The following SLC25A26 variants were observed in gnomAD, a reference collection of about 807,000 sequenced individuals.
The protein encoded by SLC25A26 is solute carrier family 25 member 26, also known as mitochondrial S-adenosylmethionine carrier protein.
A neutral mutation model predicts 37.8 loss-of-function variants in SLC25A26; 36 were observed. The ratio of observed to expected loss-of-function variants is 0.95; its 90% CI spans 0.73 to 1.26. SLC25A26 has a LOEUF of 1.26. SLC25A26 is among the 50% of genes most tolerant of loss of function. The pLI is 0.00. For missense variants in SLC25A26, 390 were observed against 331.1 expected (o/e 1.18, Z -1.38); for synonymous variants, 129 against 122.5 (o/e 1.05, Z -0.35).
At chr3:66,270,291 C>G (rs991008401) in intron 5 of SLC25A26, among the ~76,000 whole-genome samples, 1 of 152,096 alleles carries the variant, frequency 6.6e-6, no homozygotes, top group Non-Finnish European at 1.5e-5. Context: ...CTTAGCACTT[C>G]TACTGAAAAG....
chr3:66,356,305 T>C (rs2107782064), intron 6 of SLC25A26, among the ~76,000 whole-genome samples: 1 of 152,288 alleles, frequency 6.6e-6, no homozygotes, highest in South Asian at 2.1e-4. Flanking sequence ...TGCTAATAGC[T>C]ATTATCTTGG....
At chr3:66,371,518 G>C in intron 9 of SLC25A26, 1 of 1,334,940 alleles carries the variant, frequency 7.5e-7, no homozygotes, top group Non-Finnish European at 9.7e-7. Flanking sequence ...TGGTTTTGTT[G>C]AATGTGACAA....
chr3:66,246,043 T>TTTGATATAAATGGAATCCTACAA, intron 3 of SLC25A26, among the ~76,000 whole-genome samples: 1 of 152,356 alleles, frequency 6.6e-6, no homozygotes, highest in Non-Finnish European at 1.5e-5. Context: ...ATTTTGGACA[T>TTTGATATAAATGGAATCCTACAA]TTGATATAAA....
At chr3:66,187,174 C>A (rs966136616) in intron 1 of SLC25A26, among the ~76,000 whole-genome samples, 3 of 151,856 alleles carry the variant, frequency 2.0e-5, no homozygotes, top group Non-Finnish European at 4.4e-5. Flanking sequence ...TTGACCTTGA[C>A]CCTGACCCTC....
intron 5 of SLC25A26, among the ~76,000 whole-genome samples, chr3:66,306,844 T>C (rs547651594): frequency 6.6e-6 from 1 of 152,360 alleles, no homozygotes; most frequent in East Asian, 1.9e-4. Context: ...ACTCATACTT[T>C]TTTATGGTTG....
chr3:66,315,804 G>C (rs2075522640), intron 5 of SLC25A26, among the ~76,000 whole-genome samples: 1 of 152,002 alleles, frequency 6.6e-6, no homozygotes, highest in Admixed American at 6.6e-5. Context: ...TCCTGTATTG[G>C]GTCCATATAT....
intron 1 of SLC25A26, among the ~76,000 whole-genome samples, chr3:66,148,006 C>T (rs547980052): frequency 1.3e-5 from 2 of 152,332 alleles, no homozygotes; most frequent in African/African-American, 2.4e-5. Context: ...ATCCGCCCAC[C>T]TCAGCCTCCC....
intron 9 of SLC25A26, among the ~76,000 whole-genome samples, chr3:66,374,492 A>C (rs1225676148): frequency 6.6e-6 from 1 of 152,170 alleles, no homozygotes; most frequent in Non-Finnish European, 1.5e-5. Flanking sequence ...TTAGGCCTCT[A>C]TTCTGTGAGA....
chr3:66,281,757 A>G (rs897037222), intron 5 of SLC25A26, among the ~76,000 whole-genome samples: 1 of 150,200 alleles, frequency 6.7e-6, no homozygotes, highest in African/African-American at 2.4e-5. Context: ...AAACTGTCCC[A>G]TATTTGTCCA....
At chr3:66,221,151 G>GT in intron 1 of SLC25A26, 24 bp downstream of exon 1, 1 of 1,501,330 alleles carries the variant, frequency 6.7e-7, no homozygotes, top group Non-Finnish European at 8.8e-7. Flanking sequence ...GGTGGGGTGG[G>GT]TTGCTCAGAG....
At chr3:66,270,383 C>T (rs1576759475) in intron 5 of SLC25A26, among the ~76,000 whole-genome samples, 1 of 151,986 alleles carries the variant, frequency 6.6e-6, no homozygotes. Flanking sequence ...CATATTGAAC[C>T]CTATTTTAAT....
intron 1 of SLC25A26, among the ~76,000 whole-genome samples, chr3:66,159,496 C>T (rs2070327774): frequency 6.6e-6 from 1 of 152,092 alleles, no homozygotes; most frequent in African/African-American, 2.4e-5. Context: ...TGTTTTATGC[C>T]AGTCCATTAG....
chr3:66,192,751 G>C (rs1001102916), intron 1 of SLC25A26, among the ~76,000 whole-genome samples: 24 of 152,224 alleles, frequency 1.6e-4, no homozygotes, highest in Admixed American at 1.4e-3. Context: ...AAAATACACT[G>C]TTTATTAAAC....
At chr3:66,293,485 A>G (rs1576812184) in intron 5 of SLC25A26, among the ~76,000 whole-genome samples, 2 of 150,542 alleles carry the variant, frequency 1.3e-5, no homozygotes, top group South Asian at 2.1e-4. Flanking sequence ...CCACCCAGGT[A>G]CTAAGTCTTG....
At chr3:66,370,007 C>T (rs60242486) in intron 8 of SLC25A26, among the ~76,000 whole-genome samples, 7,373 of 152,210 alleles carry the variant, frequency 0.048, 574 homozygotes, top group African/African-American at 0.17. Context: ...GAATGCCATA[C>T]GTATAACATA....
rs1419533463 is a variant in SLC25A26, at chr3:66,233,601, A to G, written c.34-2943A>G. Among the ~76,000 whole-genome samples the G allele has an allele frequency of 2.0e-5, 3 of 152,352 alleles. No individual in the cohort carries two copies. In the East Asian group the frequency reaches 5.8e-4, roughly 29 times the overall value. ...TAATTACATACAAAACAATATTGATATAGGCATTCCTTAAGGATTTTGTTT... is the reference window on the plus strand; with the variant it reads ...TAATTACATACAAAACAATATTGATGTAGGCATTCCTTAAGGATTTTGTTT... On this transcript the variant is annotated intron_variant, in intron 1 of 9. Transcript: ENST00000354883.
intron 3 of SLC25A26, among the ~76,000 whole-genome samples, chr3:66,251,527 A>G (rs1287434527): frequency 6.6e-6 from 1 of 152,190 alleles, no homozygotes; most frequent in African/African-American, 2.4e-5. Context: ...CCATCTTGCC[A>G]GTGGGCCCAG....
intron 5 of SLC25A26, among the ~76,000 whole-genome samples, chr3:66,270,095 G>C (rs2073905544): frequency 6.6e-6 from 1 of 152,040 alleles, no homozygotes; most frequent in Non-Finnish European, 1.5e-5. Flanking sequence ...AGTTATGTAG[G>C]GTAGTGAATC....
At position 66,221,047 on chromosome 3, in the gene SLC25A26, C is replaced by G. The variant is rs148202338; in HGVS notation, c.-48C>G. On this transcript the variant is annotated 5_prime_UTR_variant, in exon 1 of 10. Coordinates refer to ENST00000354883, the MANE Select transcript of SLC25A26 (RefSeq NM_001379210.1). Reference sequence around the variant, plus strand: ...GCGCCCAGCGCGCGAGGACGTGATCCGCTTCTGCTCCGGCTTGGATTGTAG... The same window carrying G: ...GCGCCCAGCGCGCGAGGACGTGATCGGCTTCTGCTCCGGCTTGGATTGTAG... 23 of 1,533,818 alleles carry G rather than the reference C, an allele frequency of 1.5e-5. No individual in the cohort carries two copies. Among genetic ancestry groups the G allele is most frequent in the East Asian group, 2.5e-5 (1 of 40,666 alleles).
Sources: gnomAD v4.1 joint callset for allele counts (sites outside exome capture counted in the v4.1 genomes callset) on GRCh38, gnomAD v4.1.1 for gene constraint, MANE v1.5 for transcripts, NCBI Gene and HGNC (gene_info 2026-07-23, HGNC 2026-07-21) for gene names.